Variants in ERBB4 observed in about 807,000 individuals in gnomAD.
The protein encoded by ERBB4 is receptor tyrosine-protein kinase erbB-4.
Under a neutral mutation model 158.0 loss-of-function variants are expected in ERBB4, and 42 were observed. The observed-to-expected ratio is 0.27, with a 90% CI of 0.21 to 0.34. The LOEUF is 0.34. Ranked by LOEUF, ERBB4 falls within the 10% of genes least tolerant of loss-of-function variation. The pLI is 1.00. For missense variants in ERBB4, 1,333 were observed against 1,624.1 expected (o/e 0.82, Z 3.08); for synonymous variants, 583 against 558.7 (o/e 1.04, Z -0.61).
chr2:211,878,108 A>G (rs1478272436), intron 3 of ERBB4, among the ~76,000 whole-genome samples: 1 of 152,198 alleles, frequency 6.6e-6, no homozygotes, highest in African/African-American at 2.4e-5. Context: ...ACGCCATCTC[A>G]AAACAAACAA....
chr2:211,813,945 T>C (rs922220320), intron 3 of ERBB4, among the ~76,000 whole-genome samples: 1 of 152,088 alleles, frequency 6.6e-6, no homozygotes, highest in Admixed American at 6.6e-5. Context: ...GAGTATTAAA[T>C]ATAAAATGCC....
chr2:212,117,917 C>A (rs1296092413), intron 2 of ERBB4, among the ~76,000 whole-genome samples: 1 of 152,120 alleles, frequency 6.6e-6, no homozygotes, highest in Non-Finnish European at 1.5e-5. Context: ...AGTATTTGAA[C>A]AAACTATTCA....
At chr2:212,209,907 C>T (rs2082878867) in intron 1 of ERBB4, among the ~76,000 whole-genome samples, 1 of 152,042 alleles carries the variant, frequency 6.6e-6, no homozygotes, top group Non-Finnish European at 1.5e-5. Context: ...TCATTCAAAC[C>T]AGTCAGCCTA....
chr2:212,129,924 T>G (rs2080061356), intron 1 of ERBB4, among the ~76,000 whole-genome samples: 1 of 152,134 alleles, frequency 6.6e-6, no homozygotes, highest in Non-Finnish European at 1.5e-5. Flanking sequence ...AATTTTATCT[T>G]GAAAGACACA....
At chr2:211,832,850 G>T (rs1309381992) in intron 3 of ERBB4, among the ~76,000 whole-genome samples, 1 of 147,638 alleles carries the variant, frequency 6.8e-6, no homozygotes, top group African/African-American at 2.5e-5. Context: ...CATATATATA[G>T]TTTATATATA....
chr2:211,826,834 A>C (rs13006489), intron 3 of ERBB4, among the ~76,000 whole-genome samples: 57,790 of 151,896 alleles, frequency 0.38, 12,165 homozygotes, highest in Middle Eastern at 0.5. Flanking sequence ...AAAACATTTT[A>C]ATGACATATT....
At chr2:211,651,241 A>G (rs1312727464) in intron 16 of ERBB4, among the ~76,000 whole-genome samples, 1 of 152,202 alleles carries the variant, frequency 6.6e-6, no homozygotes, top group Admixed American at 6.5e-5. Context: ...ATATGATAAT[A>G]CATTATTTGA....
At chr2:211,917,823 GT>G (rs1254218713) in intron 3 of ERBB4, among the ~76,000 whole-genome samples, 2 of 152,150 alleles carry the variant, frequency 1.3e-5, no homozygotes, top group African/African-American at 4.8e-5. Flanking sequence ...TCACTGAAGG[GT>G]TTTGAGGAGA....
chr2:211,952,576 T>C (rs1466182453), intron 2 of ERBB4, among the ~76,000 whole-genome samples: 1 of 152,080 alleles, frequency 6.6e-6, no homozygotes, highest in African/African-American at 2.4e-5. Flanking sequence ...TATGGACTTA[T>C]CTATGGGAAA....
chr2:211,803,548 G>T (rs1257654983), intron 3 of ERBB4, among the ~76,000 whole-genome samples: 1 of 152,116 alleles, frequency 6.6e-6, no homozygotes, highest in Non-Finnish European at 1.5e-5. Context: ...AACTAAAAGA[G>T]CACTGACTGC....
Position 212,050,464 on chromosome 2 carries a change from T to A in ERBB4, c.234+74288A>T, listed in dbSNP as rs139803190. 2.6e-5 allele frequency among the ~76,000 whole-genome samples: 4 copies of A among 152,336 alleles called. No individual in the cohort carries two copies. In the East Asian group the frequency reaches 7.7e-4, roughly 29 times the overall value. On this transcript the variant is annotated intron_variant, in intron 2 of 27. Coordinates refer to ENST00000342788, the MANE Select transcript of ERBB4 (RefSeq NM_005235.3). ...TTTGTTAGCACCCTGCCACATGGAA[T>A]AGTCCTCCTGGTTTGACTCTATTTT...
chr2:212,180,111 T>G (rs182816760), intron 1 of ERBB4, among the ~76,000 whole-genome samples: 158 of 151,836 alleles, frequency 1.0e-3, no homozygotes, highest in Non-Finnish European at 2.2e-3. Context: ...CCAAAATAAT[T>G]GGTTTTGCTG....
chr2:212,069,998 G>A (rs556395792), intron 2 of ERBB4, among the ~76,000 whole-genome samples: 1 of 151,878 alleles, frequency 6.6e-6, no homozygotes. Context: ...GCATGTGTCT[G>A]TAGTCTAGCT....
chr2:212,527,509 T>C (rs978844084), intron 1 of ERBB4, among the ~76,000 whole-genome samples: 1 of 152,010 alleles, frequency 6.6e-6, no homozygotes, highest in African/African-American at 2.4e-5. Flanking sequence ...AGAGCAATAT[T>C]CCTAAAATGT....
At chr2:211,884,409 G>A (rs974522727) in intron 3 of ERBB4, among the ~76,000 whole-genome samples, 5 of 151,992 alleles carry the variant, frequency 3.3e-5, no homozygotes, top group Admixed American at 2.0e-4. Context: ...AATGTACCAC[G>A]GAAACGGCAG....
intron 1 of ERBB4, among the ~76,000 whole-genome samples, chr2:212,319,290 C>T (rs760907713): frequency 2.2e-5 from 3 of 138,380 alleles, no homozygotes; most frequent in Non-Finnish European, 5.1e-5. Context: ...ACCTCCTTCC[C>T]GCAGGAGTCT....
intron 3 of ERBB4, among the ~76,000 whole-genome samples, chr2:211,885,886 A>G (rs111843435): frequency 0.032 from 4,827 of 152,296 alleles, 292 homozygotes; most frequent in African/African-American, 0.11. Flanking sequence ...ACTATATGAA[A>G]TATAACTCTC....
rs2067358133 is a variant in ERBB4 at position 211,560,380 on chromosome 2, T to C, written c.2487+1523A>G. Among the ~76,000 whole-genome samples the C allele has an allele frequency of 2.1e-5, 3 of 142,966 alleles. No individual in the cohort carries two copies. The South Asian group carries it at 7.1e-4, about 34-fold the overall frequency. The allele number at this position is 142,966 out of a possible 152,430, so 93.8% of individuals were successfully genotyped here. ...ACCTCAGCCTCCCAGGTACAAGCAA[T>C]TCTTCTGCCTCAGCCTCCTTAGTAG... is the stretch of plus-strand genomic sequence containing the variant. On this transcript the variant is annotated intron_variant, in intron 20 of 27. Transcript: ENST00000342788.
intron 2 of ERBB4, among the ~76,000 whole-genome samples, chr2:212,009,580 T>C (rs1376221357): frequency 2.0e-5 from 3 of 152,138 alleles, no homozygotes; most frequent in Admixed American, 6.6e-5. Flanking sequence ...GAAGCTAATA[T>C]AGCTACCAAA....
Sources: gnomAD v4.1 joint callset for allele counts (sites outside exome capture counted in the v4.1 genomes callset) on GRCh38, gnomAD v4.1.1 for gene constraint, MANE v1.5 for transcripts, NCBI Gene and HGNC (gene_info 2026-07-23, HGNC 2026-07-21) for gene names.